The following FGF14 variants were observed in gnomAD, a reference collection of about 807,000 sequenced individuals.
FGF14 encodes fibroblast growth factor 14.
FGF14 carries 5 observed loss-of-function variants against 25.5 expected under a neutral mutation model. The observed-to-expected ratio is 0.20, with a 90% CI of 0.10 to 0.41. The LOEUF (loss-of-function observed/expected upper bound fraction) is 0.41, where lower values mean the gene tolerates loss of function less well. Among genes scored for constraint, FGF14 ranks in the 10% least tolerant of loss-of-function variants. The pLI, the probability that FGF14 is intolerant of heterozygous loss-of-function variation, is 1.00. For synonymous variants in FGF14, 138 were observed against 118.3 expected, an observed-to-expected ratio of 1.17 and a Z score of -1.08; for missense variants, 222 against 320.1, an observed-to-expected ratio of 0.69 and a Z score of 2.34.
intron 1 of FGF14, among the ~76,000 whole-genome samples, chr13:102,049,064 A>G (rs537051581): frequency 4.0e-4 from 60 of 151,468 alleles, no homozygotes; most frequent in African/African-American, 1.4e-3. Flanking sequence ...CTCCTGAGAA[A>G]ACAATGTAAA....
intron 1 of FGF14, among the ~76,000 whole-genome samples, chr13:102,063,588 C>T (rs2042777829): frequency 6.6e-6 from 1 of 151,832 alleles, no homozygotes; most frequent in South Asian, 2.1e-4. Context: ...TGCACTCCAG[C>T]CTGGGCAACA....
intron 1 of FGF14, among the ~76,000 whole-genome samples, chr13:101,973,015 A>C (rs115366016): frequency 2.0e-3 from 310 of 152,332 alleles, no homozygotes; most frequent in Middle Eastern, 6.8e-3. Context: ...TGGATTGGAC[A>C]AACACCCACT....
At chr13:102,226,440 A>G (rs2050829130) in intron 1 of FGF14, among the ~76,000 whole-genome samples, 1 of 152,196 alleles carries the variant, frequency 6.6e-6, no homozygotes, top group South Asian at 2.1e-4. Flanking sequence ...TGCTGTCTGT[A>G]TAATGCCTAT....
At chr13:101,735,618 G>T (rs910730297) in intron 3 of FGF14, among the ~76,000 whole-genome samples, 4 of 147,132 alleles carry the variant, frequency 2.7e-5, no homozygotes, top group African/African-American at 1.0e-4. Flanking sequence ...AAGAAACATT[G>T]AACAAAATAG....
intron 1 of FGF14, among the ~76,000 whole-genome samples, chr13:102,028,027 A>G (rs1012904088): frequency 6.6e-6 from 1 of 151,846 alleles, no homozygotes; most frequent in African/African-American, 2.4e-5. Context: ...CTTTCACTCC[A>G]CTCACACCTA....
At chr13:102,357,289 G>A (rs1262951704) in intron 1 of FGF14, among the ~76,000 whole-genome samples, 2 of 151,860 alleles carry the variant, frequency 1.3e-5, no homozygotes, top group Non-Finnish European at 2.9e-5. Context: ...CAGGAGGAAG[G>A]AGCCACACCT....
chr13:102,182,763 T>A (rs1252188838), intron 1 of FGF14, among the ~76,000 whole-genome samples: 4 of 152,174 alleles, frequency 2.6e-5, no homozygotes, highest in African/African-American at 9.6e-5. Flanking sequence ...AAATACTACA[T>A]TTCTTGCCCA....
At chr13:102,254,465 T>G (rs1462750114) in intron 1 of FGF14, among the ~76,000 whole-genome samples, 1 of 152,168 alleles carries the variant, frequency 6.6e-6, no homozygotes, top group African/African-American at 2.4e-5. Context: ...AGCCTCTTTG[T>G]CACTCCAAAT....
At chr13:102,367,297 T>C (rs1324603450) in intron 1 of FGF14, 1 of 152,176 alleles carries the variant, frequency 6.6e-6, no homozygotes, top group African/African-American at 2.4e-5. Flanking sequence ...GGCAAATTGG[T>C]CCTGGGTGTT....
intron 1 of FGF14, among the ~76,000 whole-genome samples, chr13:101,986,306 G>A (rs1422596328): frequency 1.2e-4 from 19 of 152,100 alleles, no homozygotes; most frequent in Admixed American, 5.3e-4. Context: ...AAACCTTTCC[G>A]GTTTGTGATG....
At chr13:101,860,594 A>G (rs1172937297) in intron 3 of FGF14, among the ~76,000 whole-genome samples, 1 of 151,922 alleles carries the variant, frequency 6.6e-6, no homozygotes, top group Non-Finnish European at 1.5e-5. Flanking sequence ...TTTGATTTTT[A>G]GAAATGGAGT....
intron 1 of FGF14, among the ~76,000 whole-genome samples, chr13:102,152,761 A>G (rs1341048056): frequency 6.6e-6 from 1 of 152,232 alleles, no homozygotes; most frequent in Non-Finnish European, 1.5e-5. Flanking sequence ...GTTAAAAAAT[A>G]TATCTAAACA....
intron 1 of FGF14, among the ~76,000 whole-genome samples, chr13:102,077,680 G>C (rs1038302694): frequency 6.6e-6 from 1 of 152,138 alleles, no homozygotes; most frequent in Non-Finnish European, 1.5e-5. Context: ...CTTCCACTGT[G>C]TTGGAAGGAA....
chr13:102,382,883 T>C (rs971101387), intron 1 of FGF14, among the ~76,000 whole-genome samples: 9 of 152,098 alleles, frequency 5.9e-5, no homozygotes, highest in Non-Finnish European at 1.2e-4. Flanking sequence ...TCTTATGAAA[T>C]ATCTAGAATA....
At chr13:101,992,198 C>A (rs1188290945) in intron 1 of FGF14, among the ~76,000 whole-genome samples, 1 of 152,094 alleles carries the variant, frequency 6.6e-6, no homozygotes, top group Non-Finnish European at 1.5e-5. Flanking sequence ...GAACTACAAG[C>A]CTCAGATGCT....
rs527895013 is a variant in FGF14 at position 102,112,135 on chromosome 13, A to G, written c.209-236839T>C. On this transcript the variant is annotated intron_variant, in intron 1 of 4. Coordinates refer to the FGF14 transcript ENST00000376131. ...TCTAGTACTTCATACTTATTATCTC[A>G]CTTAATCTCTCAAAACTCTGAGCGA... 3.3e-5 allele frequency among the ~76,000 whole-genome samples: 5 copies of G among 152,296 alleles called. No homozygotes were observed. The East Asian group carries it at 9.6e-4, about 29-fold the overall frequency.
chr13:102,127,772 T>A (rs2046009358), intron 1 of FGF14, among the ~76,000 whole-genome samples: 1 of 152,248 alleles, frequency 6.6e-6, no homozygotes, highest in Non-Finnish European at 1.5e-5. Flanking sequence ...ATGAAGTGAC[T>A]AAAATAAATT....
At chr13:102,013,903 T>C (rs2040207884) in intron 1 of FGF14, among the ~76,000 whole-genome samples, 1 of 152,102 alleles carries the variant, frequency 6.6e-6, no homozygotes, top group South Asian at 2.1e-4. Flanking sequence ...CATAATCAGG[T>C]TTAGAGCAGA....
At chr13:101,907,289 T>G (rs2032362028) in intron 1 of FGF14, among the ~76,000 whole-genome samples, 1 of 152,132 alleles carries the variant, frequency 6.6e-6, no homozygotes, top group African/African-American at 2.4e-5. Context: ...AGTGTTTGGC[T>G]GAACATCAAA....
Sources: gnomAD v4.1 joint callset for allele counts (sites outside exome capture counted in the v4.1 genomes callset) on GRCh38, gnomAD v4.1.1 for gene constraint, MANE v1.5 for transcripts, NCBI Gene and HGNC (gene_info 2026-07-23, HGNC 2026-07-21) for gene names.